The following NXPE4 variants were observed in gnomAD, a reference collection of about 807,000 sequenced individuals.
NXPE4 encodes the protein NXPE family member 4.
A neutral mutation model predicts 33.3 loss-of-function variants in NXPE4; 42 were observed. That is an observed-to-expected ratio of 1.26 (90% CI 0.98 to 1.63). The LOEUF (loss-of-function observed/expected upper bound fraction) is 1.63, where lower values mean the gene tolerates loss of function less well. Ranked by LOEUF, NXPE4 falls within the 40% of genes most tolerant of loss-of-function variation. NXPE4 has a pLI of 0.00. For missense variants in NXPE4, 709 were observed against 647.6 expected, an observed-to-expected ratio of 1.09 and a Z score of -1.03; for synonymous variants, 253 against 234.9, an observed-to-expected ratio of 1.08 and a Z score of -0.71.
At chr11:114,670,572 G>A in the NXPE4 span, among the ~76,000 whole-genome samples, 4 of 151,946 alleles carry the variant, frequency 2.6e-5, no homozygotes, top group African/African-American at 9.6e-5. Context: ...CACACCTGTG[G>A]TCCTAGCTAC....
rs1411422061 is a variant in NXPE4 at position 114,580,254 on chromosome 11, T to C, written c.977A>G (p.Asn326Ser). ...PSGHVWRNTW[N>S]PVSCSLATVK... Reference sequence around the variant, plus strand: ...TGTAGCCAAACTACAGGAGACAGGATTCCATGTGTTTCTCCAGACATGCCC... The same window carrying C: ...TGTAGCCAAACTACAGGAGACAGGACTCCATGTGTTTCTCCAGACATGCCC... Residue 326 changes from asparagine to serine, a missense_variant, in exon 5 of 6, where the codon AAT becomes AGT. Physicochemically the swap from Asn to Ser is conservative, Grantham distance 46. Coordinates refer to ENST00000375478, the MANE Select transcript of NXPE4 (RefSeq NM_001077639.2). 1.2e-6 allele frequency: 2 copies of C among 1,613,944 alleles called. No homozygotes were observed. Among genetic ancestry groups the C allele is most frequent in the African/African-American group, 1.3e-5 (1 of 74,934 alleles).
chr11:114,571,206 T>C lies in NXPE4; in HGVS notation c.1367A>G (p.Lys456Arg). 9.9e-6 allele frequency: 16 copies of C among 1,614,050 alleles called. No individual in the cohort carries two copies. Among genetic ancestry groups the C allele is most frequent in the Non-Finnish European group, 1.4e-5 (16 of 1,179,948 alleles). Residue 456 changes from lysine (K) to arginine (R), a missense_variant, in exon 6 of 6, where the codon AAA (lysine) becomes AGA (arginine). Coordinates refer to ENST00000375478, the MANE Select transcript of NXPE4 (RefSeq NM_001077639.2). ...VFIRRALNVH[K>R]AIQHLLLRSP... ...TCTCAGAAGAAGATGCTGAATGGCT[T>C]TGTGGACATTGAGGGCCCTTCGGAT...
the NXPE4 span, among the ~76,000 whole-genome samples, chr11:114,615,098 C>T: frequency 6.6e-6 from 1 of 151,912 alleles, no homozygotes; most frequent in Non-Finnish European, 1.5e-5. Context: ...ATAAGTGTTG[C>T]TTCATGGGTA....
At chr11:114,621,106 C>T in the NXPE4 span, among the ~76,000 whole-genome samples, 1 of 152,140 alleles carries the variant, frequency 6.6e-6, no homozygotes, top group Non-Finnish European at 1.5e-5. Flanking sequence ...CATGGGAAAC[C>T]ACTGTTACCC....
At chr11:114,586,191 CCT>C (rs1286191561) in intron 2 of NXPE4, among the ~76,000 whole-genome samples, 2 of 152,174 alleles carry the variant, frequency 1.3e-5, no homozygotes, top group Non-Finnish European at 2.9e-5. Context: ...ACTTAAATCC[CCT>C]GTCTCTACAG....
chr11:114,634,131 CCTGA>C, the NXPE4 span, among the ~76,000 whole-genome samples: 1 of 151,460 alleles, frequency 6.6e-6, no homozygotes, highest in African/African-American at 2.4e-5. Context: ...CCTGTTGTTT[CCTGA>C]CTTTTTAATG....
At chr11:114,670,249 A>G in the NXPE4 span, among the ~76,000 whole-genome samples, 3 of 152,210 alleles carry the variant, frequency 2.0e-5, no homozygotes, top group Admixed American at 2.0e-4. Context: ...AGAGAAATCA[A>G]AATAAGACAT....
chr11:114,619,126 G>C, the NXPE4 span, among the ~76,000 whole-genome samples: 1 of 152,094 alleles, frequency 6.6e-6, no homozygotes, highest in Non-Finnish European at 1.5e-5. Context: ...GTGTTGCCTC[G>C]TGGGTAACCA....
rs751831386 is a variant in NXPE4 at position 114,571,013 on chromosome 11, A to G, written c.1560T>C (p.Tyr520=). The G allele has an allele frequency of 3.8e-5, 62 of 1,613,318 alleles. No individual in the cohort carries two copies. Among genetic ancestry groups the G allele is most frequent in the Non-Finnish European group, 5.1e-5 (60 of 1,179,324 alleles). ...GAGGTGGGTGTACATTATTTGTGCC[A>G]TATGCAATTGTTATATCCCAGGCAT... is the stretch of plus-strand genomic sequence containing the variant. ...IIDAWDITIA[Y]GTNNVHPPQH... The change falls in exon 6 of 6, where the codon TAT becomes TAC. Residue 520 remains tyrosine (Y), a synonymous_variant. Transcript: ENST00000375478.
the NXPE4 span, among the ~76,000 whole-genome samples, chr11:114,658,198 T>C: frequency 1.0e-3 from 157 of 152,340 alleles, no homozygotes; most frequent in African/African-American, 3.7e-3. Flanking sequence ...GCTTAAAATC[T>C]AATGAAAGGC....
chr11:114,579,858 C>T (rs1949094798), intron 5 of NXPE4, among the ~76,000 whole-genome samples: 1 of 152,104 alleles, frequency 6.6e-6, no homozygotes, highest in African/African-American at 2.4e-5. Context: ...TCTTTGGTTC[C>T]ATCAATAGTT....
chr11:114,596,689 C>G (rs1226360610), upstream of NXPE4, among the ~76,000 whole-genome samples: 1 of 152,010 alleles, frequency 6.6e-6, no homozygotes, highest in African/African-American at 2.4e-5. Context: ...CACTGAGGAG[C>G]CTATAATAAG....
the NXPE4 span, among the ~76,000 whole-genome samples, chr11:114,678,168 GT>G: frequency 2.4e-3 from 359 of 152,150 alleles, no homozygotes; most frequent in African/African-American, 8.2e-3. Flanking sequence ...CAGGGCTTCT[GT>G]TTTTCTTCTT....
At chr11:114,604,840 G>A in the NXPE4 span, among the ~76,000 whole-genome samples, 1 of 151,962 alleles carries the variant, frequency 6.6e-6, no homozygotes, top group East Asian at 1.9e-4. Context: ...TTGTTGCATT[G>A]TGGGTATCCA....
At position 114,594,647 on chromosome 11, in the gene NXPE4, A is replaced by T. The variant is rs780541133; in HGVS notation, c.96+17T>A. The T allele has an allele frequency of 6.5e-7, 1 of 1,529,320 alleles. No individual in the cohort carries two copies. The highest frequency in any genetic ancestry group is 9.0e-7 in the Non-Finnish European group (1 of 1,110,672). 94.7% of individuals were successfully genotyped at this position (1,529,320 alleles called of 1,614,324 possible). A position where few individuals can be genotyped will look rare whatever the true frequency, so the allele number is the denominator to read the frequency against. On this transcript the variant is annotated intron_variant, in intron 2 of 5. Transcript: ENST00000375478. ...AAAATAAGCTTCTGTAAACCACATA[A>T]ATAAAGCATTTCCTACCTTTGTGGA...
the NXPE4 span, among the ~76,000 whole-genome samples, chr11:114,675,340 A>G: frequency 6.6e-6 from 1 of 151,906 alleles, no homozygotes; most frequent in Admixed American, 6.6e-5. Context: ...AATAAAAGGC[A>G]TCCAAATAAA....
At chr11:114,636,846 G>A in the NXPE4 span, among the ~76,000 whole-genome samples, 1 of 152,044 alleles carries the variant, frequency 6.6e-6, no homozygotes, top group Non-Finnish European at 1.5e-5. Context: ...TATAATTTCT[G>A]TTCTTTTACA....
chr11:114,649,825 T>G, the NXPE4 span, among the ~76,000 whole-genome samples: 112 of 152,330 alleles, frequency 7.4e-4, no homozygotes, highest in Non-Finnish European at 1.2e-3. Flanking sequence ...ATTTCCCATG[T>G]TCAAATATGT....
the NXPE4 span, among the ~76,000 whole-genome samples, chr11:114,638,342 G>C: frequency 4.0e-4 from 60 of 151,676 alleles, no homozygotes; most frequent in African/African-American, 1.4e-3. Flanking sequence ...TCTCTGTATT[G>C]GTTATTCTAG....
Sources: allele counts gnomAD v4.1 joint callset (sites outside exome capture counted in the v4.1 genomes callset), GRCh38; gene constraint gnomAD v4.1.1; transcripts MANE v1.5; gene names NCBI Gene and HGNC (gene_info 2026-07-23, HGNC 2026-07-21).